Variants in MACROD2 observed in about 807,000 individuals in gnomAD.
The protein encoded by MACROD2 is ADP-ribose glycohydrolase MACROD2.
In MACROD2, 36 loss-of-function variants were observed where a neutral mutation model predicts 70.4. The ratio of observed to expected loss-of-function variants is 0.51; its 90% CI spans 0.39 to 0.68. MACROD2 has a LOEUF of 0.68. Among genes scored for constraint, MACROD2 ranks in the 30% least tolerant of loss-of-function variants. The pLI is 0.00. For synonymous variants in MACROD2, 172 were observed against 178.8 expected (o/e 0.96, Z 0.30); for missense variants, 496 against 538.4 (o/e 0.92, Z 0.78).
intron 4 of MACROD2, among the ~76,000 whole-genome samples, chr20:14,543,607 T>C (rs1268922142): frequency 6.6e-6 from 1 of 152,224 alleles, no homozygotes; most frequent in Non-Finnish European, 1.5e-5. Flanking sequence ...TTTACAGTTA[T>C]AAATAGGAGG....
chr20:14,052,343 A>G (rs1213036892), intron 2 of MACROD2, among the ~76,000 whole-genome samples: 1 of 152,182 alleles, frequency 6.6e-6, no homozygotes, highest in Non-Finnish European at 1.5e-5. Flanking sequence ...ACATAATAGT[A>G]TTAGCTATCA....
rs895034872 is a variant in MACROD2 at position 14,247,265 on chromosome 20, G to A, written c.271+161537G>A. 3.9e-5 allele frequency among the ~76,000 whole-genome samples: 6 copies of A among 152,182 alleles called. No homozygotes were observed. In the East Asian group the frequency reaches 5.8e-4, roughly 15 times the overall value. On this transcript the variant is annotated intron_variant, in intron 3 of 17. Coordinates refer to ENST00000684519, the MANE Select transcript of MACROD2 (RefSeq NM_001351661.2). ...TCCAAAACTTGGACCTGATCTTCAGGATTTCCAGTGCGAGGCTCCTTCCAC... is the reference window on the plus strand; with the variant it reads ...TCCAAAACTTGGACCTGATCTTCAGAATTTCCAGTGCGAGGCTCCTTCCAC...
chr20:15,481,360 C>A (rs2047094971), intron 7 of MACROD2, among the ~76,000 whole-genome samples: 1 of 152,134 alleles, frequency 6.6e-6, no homozygotes, highest in African/African-American at 2.4e-5. Context: ...GATGTGCTTT[C>A]TAAACATGAG....
chr20:15,955,531 T>C (rs2065964572), intron 12 of MACROD2, among the ~76,000 whole-genome samples: 1 of 152,196 alleles, frequency 6.6e-6, no homozygotes, highest in South Asian at 2.1e-4. Flanking sequence ...TAGTTTCTAA[T>C]GGATGATCCT....
At chr20:14,469,292 G>C (rs888187862) in intron 3 of MACROD2, among the ~76,000 whole-genome samples, 1 of 152,178 alleles carries the variant, frequency 6.6e-6, no homozygotes, top group African/African-American at 2.4e-5. Flanking sequence ...TCTGCAGAGA[G>C]ATCTGCTGTT....
rs1445528296 is a variant in MACROD2 at position 15,568,262 on chromosome 20, AT to A, written c.645+68416del. On this transcript the variant is annotated intron_variant, in intron 8 of 17. Coordinates refer to ENST00000684519, the MANE Select transcript of MACROD2 (RefSeq NM_001351661.2). Reference sequence around the variant, plus strand: ...TCCTTTGTGTTTCTTTCCTGGTAAAATGGAGATTGCTGGGGTCCAGGCCTTC... The same window carrying A: ...TCCTTTGTGTTTCTTTCCTGGTAAAAGGAGATTGCTGGGGTCCAGGCCTTC... Among the ~76,000 whole-genome samples, 10 of 152,314 alleles carry A rather than the reference AT, an allele frequency of 6.6e-5. No individual in the cohort carries two copies. The South Asian group carries it at 1.9e-3, about 28-fold the overall frequency.
chr20:14,964,936 G>GA (rs761884383), intron 5 of MACROD2, among the ~76,000 whole-genome samples: 23 of 152,226 alleles, frequency 1.5e-4, no homozygotes, highest in Non-Finnish European at 3.2e-4. Flanking sequence ...GAAACACTTT[G>GA]AAGGAAAGGT....
chr20:15,938,081 A>T (rs971063878), intron 12 of MACROD2, among the ~76,000 whole-genome samples: 4 of 152,156 alleles, frequency 2.6e-5, no homozygotes, highest in African/African-American at 9.7e-5. Context: ...AGTAAAAAAA[A>T]AAAAACAATT....
At chr20:15,399,336 C>T (rs1049505607) in intron 6 of MACROD2, among the ~76,000 whole-genome samples, 1 of 152,156 alleles carries the variant, frequency 6.6e-6, no homozygotes, top group African/African-American at 2.4e-5. Flanking sequence ...AAGGTAGCTG[C>T]TCTGCAAAAG....
chr20:15,007,663 T>C (rs537890884), intron 5 of MACROD2, among the ~76,000 whole-genome samples: 1 of 152,324 alleles, frequency 6.6e-6, no homozygotes, highest in Admixed American at 6.5e-5. Flanking sequence ...GATGAGACTC[T>C]TTTCTGGCCT....
intron 3 of MACROD2, among the ~76,000 whole-genome samples, chr20:14,468,431 A>G (rs1417168759): frequency 1.5e-5 from 2 of 132,376 alleles, no homozygotes; most frequent in Non-Finnish European, 3.1e-5. Flanking sequence ...TAGGATTGCA[A>G]CCCCTGCTTT....
chr20:15,499,762 C>G lies in MACROD2; in HGVS notation c.572-12C>G, dbSNP rs1479610354. ...TTCGTTGTTCATTTGTTTTTTCCTG[C>G]TCTTCATCTAGGCTTTCCCAACGAG... On this transcript the variant is annotated splice_polypyrimidine_tract_variant and intron_variant, in intron 7 of 17. Coordinates refer to ENST00000684519, the MANE Select transcript of MACROD2 (RefSeq NM_001351661.2). 5 of 1,613,250 alleles carry G rather than the reference C, an allele frequency of 3.1e-6. No individual in the cohort carries two copies. The highest frequency in any genetic ancestry group is 3.4e-6 in the Non-Finnish European group (4 of 1,179,428).
At position 14,417,545 on chromosome 20, in the gene MACROD2, A is replaced by C. The variant is rs11908617; in HGVS notation, c.272-75934A>C. Among the ~76,000 whole-genome samples, 1,065 of 152,206 alleles carry C rather than the reference A, an allele frequency of 7.0e-3. 17 individuals are homozygous for C. The highest frequency in any genetic ancestry group is 0.025 in the African/African-American group (1,039 of 41,524). Reference sequence around the variant, plus strand: ...TATATCCTTTACTTTTTCATTGGTTACTCATAGGGGAGATGGCTACCTGAG... The same window carrying C: ...TATATCCTTTACTTTTTCATTGGTTCCTCATAGGGGAGATGGCTACCTGAG... On this transcript the variant is annotated intron_variant, in intron 3 of 17. Coordinates refer to ENST00000684519, the MANE Select transcript of MACROD2 (RefSeq NM_001351661.2).
intron 6 of MACROD2, among the ~76,000 whole-genome samples, chr20:15,299,920 A>G (rs914722170): frequency 6.6e-6 from 1 of 152,206 alleles, no homozygotes; most frequent in African/African-American, 2.4e-5. Context: ...TTCTACTGAG[A>G]AGAGAGGAAG....
intron 3 of MACROD2, among the ~76,000 whole-genome samples, chr20:14,352,801 A>G (rs1437933073): frequency 6.6e-6 from 1 of 151,916 alleles, no homozygotes; most frequent in African/African-American, 2.4e-5. Context: ...TTAGTAGATA[A>G]ACATGGAAGT....
intron 15 of MACROD2, among the ~76,000 whole-genome samples, chr20:16,036,432 CA>C (rs1392385464): frequency 6.6e-6 from 1 of 151,872 alleles, no homozygotes; most frequent in Non-Finnish European, 1.5e-5. Context: ...TTGCTATAAT[CA>C]AGGGTTTGAG....
rs571521530 is a variant in MACROD2 at position 14,076,728 on chromosome 20, A to G, written c.164-8893A>G. ...TACATATAACTTTGCTAAGTCTTCA[A>G]TAAATAAGATTAATATTATTGGTTT... On this transcript the variant is annotated intron_variant, in intron 2 of 17. Coordinates refer to ENST00000684519, the MANE Select transcript of MACROD2 (RefSeq NM_001351661.2). Among the ~76,000 whole-genome samples, 60 of 152,224 alleles carry G rather than the reference A, an allele frequency of 3.9e-4. No individual in the cohort carries two copies. The South Asian group carries it at 6.2e-3, about 16-fold the overall frequency.
At chr20:14,065,573 A>G (rs2053745768) in intron 2 of MACROD2, among the ~76,000 whole-genome samples, 1 of 152,174 alleles carries the variant, frequency 6.6e-6, no homozygotes, top group Non-Finnish European at 1.5e-5. Flanking sequence ...CTGCCAGTTG[A>G]CGTTTATTGT....
At chr20:15,456,078 A>G (rs1254629508) in intron 7 of MACROD2, among the ~76,000 whole-genome samples, 2 of 152,104 alleles carry the variant, frequency 1.3e-5, no homozygotes, top group Non-Finnish European at 2.9e-5. Context: ...TGTGTTAATG[A>G]TAATTGTGGT....
Sources: gnomAD v4.1 joint callset for allele counts (sites outside exome capture counted in the v4.1 genomes callset) on GRCh38, gnomAD v4.1.1 for gene constraint, MANE v1.5 for transcripts, NCBI Gene and HGNC (gene_info 2026-07-23, HGNC 2026-07-21) for gene names.